Variants in CNBD1 observed in about 807,000 individuals in gnomAD.
The protein encoded by CNBD1 is cyclic nucleotide-binding domain-containing protein 1.
In CNBD1, 71 loss-of-function variants were observed where a neutral mutation model predicts 54.4. The observed-to-expected ratio is 1.30, with a 90% CI of 1.08 to 1.59. CNBD1 has a LOEUF of 1.59. CNBD1 is among the 40% of genes most tolerant of loss of function. The pLI, the probability that CNBD1 is intolerant of heterozygous loss-of-function variation, is 0.00. For synonymous variants in CNBD1, 182 were observed against 170.7 expected (o/e 1.07, Z -0.51); for missense variants, 659 against 518.0 (o/e 1.27, Z -2.64).
intron 4 of CNBD1, among the ~76,000 whole-genome samples, chr8:87,013,426 A>G (rs1169626743): frequency 6.6e-6 from 1 of 152,024 alleles, no homozygotes; most frequent in Non-Finnish European, 1.5e-5. Context: ...TTGAAGTAAT[A>G]TGGTCTTTGT....
chr8:87,412,946 T>C (rs1209404168), intron 2 of CNBD1, among the ~76,000 whole-genome samples: 1 of 152,084 alleles, frequency 6.6e-6, no homozygotes, highest in Non-Finnish European at 1.5e-5. Context: ...GGATGATTTC[T>C]GGTCCTGTCC....
At chr8:87,382,055 C>A (rs1049669892) in intron 10 of CNBD1, among the ~76,000 whole-genome samples, 2 of 151,418 alleles carry the variant, frequency 1.3e-5, no homozygotes, top group African/African-American at 4.8e-5. Flanking sequence ...AGTGACTCAA[C>A]CACAGAGAGC....
chr8:87,280,091 G>A (rs894714542), intron 6 of CNBD1, among the ~76,000 whole-genome samples: 7 of 151,502 alleles, frequency 4.6e-5, no homozygotes, highest in East Asian at 1.9e-4. Context: ...AATGGAATGC[G>A]TTAGGTCCCC....
intron 4 of CNBD1, among the ~76,000 whole-genome samples, chr8:87,031,040 C>A (rs1037040229): frequency 6.7e-6 from 1 of 148,526 alleles, no homozygotes; most frequent in African/African-American, 2.5e-5. Context: ...CTTCACCAAG[C>A]AGATTTCTGA....
rs557208789 is a variant in CNBD1, at chr8:87,028,050, A to C, written c.431+88296A>C. ...TTCCCTGGACACACACACACACACAACACACAACACACAATTACAAGCATG... is the reference window on the plus strand; with the variant it reads ...TTCCCTGGACACACACACACACACACCACACAACACACAATTACAAGCATG... On this transcript the variant is annotated intron_variant, in intron 4 of 10. Coordinates refer to ENST00000518476, the MANE Select transcript of CNBD1 (RefSeq NM_173538.3). 2.4e-3 allele frequency among the ~76,000 whole-genome samples: 368 copies of C among 152,004 alleles called. 4 individuals carry two copies. The highest frequency in any genetic ancestry group is 4.3e-3 in the Non-Finnish European group (292 of 67,930).
intron 4 of CNBD1, among the ~76,000 whole-genome samples, chr8:86,981,331 C>T (rs1219027737): frequency 6.6e-6 from 1 of 152,118 alleles, no homozygotes; most frequent in Non-Finnish European, 1.5e-5. Flanking sequence ...GCTATATTTT[C>T]CCCAAATTTC....
At chr8:87,390,377 A>G (rs1168122406) in intron 2 of CNBD1, among the ~76,000 whole-genome samples, 1 of 152,228 alleles carries the variant, frequency 6.6e-6, no homozygotes. Flanking sequence ...TCCAGAATCT[A>G]CAATGAACTT....
In CNBD1 at chr8:87,318,710, A is replaced by AG. The variant is rs202150135; in HGVS notation, c.1042+32046dup. ...TCTCAGAGGAAGGAAGGAGATGGGG[A>AG]GGGGGGGCATTGGATAATTGCAATA... On this transcript the variant is annotated intron_variant, in intron 8 of 10. Transcript: ENST00000518476. Among the ~76,000 whole-genome samples, 1,464 of 151,980 alleles carry AG rather than the reference A, an allele frequency of 9.6e-3. 19 individuals are homozygous for AG. The highest frequency in any genetic ancestry group is 0.032 in the African/African-American group (1,339 of 41,462).
intron 6 of CNBD1, among the ~76,000 whole-genome samples, chr8:87,248,862 C>T (rs926623957): frequency 1.3e-5 from 2 of 152,062 alleles, no homozygotes; most frequent in Non-Finnish European, 2.9e-5. Flanking sequence ...GTACACAGTG[C>T]AGGAAAGAGG....
intron 4 of CNBD1, among the ~76,000 whole-genome samples, chr8:87,132,783 GCATATATATATGTGTATATATATA>G (rs2130728343): frequency 7.0e-6 from 1 of 143,114 alleles, no homozygotes; most frequent in South Asian, 2.1e-4. Flanking sequence ...CATTCAATTT[GCATATATATATGTGTATATATATA>G]CATATATATA....
At position 86,866,503 on chromosome 8, in the gene CNBD1, T is replaced by C. The variant is rs113899610; in HGVS notation, c.8T>C (p.Met3Thr). 103 of 1,610,870 alleles carry C rather than the reference T, an allele frequency of 6.4e-5. No homozygotes were observed. In the African/African-American group the frequency reaches 9.2e-4, roughly 14 times the overall value. Residue 3 changes from methionine to threonine, a missense_variant, in exon 1 of 11, where the codon ATG (methionine) becomes ACG (threonine). By Grantham distance (81) the Met-to-Thr change is moderately conservative. Transcript: ENST00000518476. ...TGCCTTTGAGCCATCAAGATGCCGATGTCTTCTCTTCCAGCAGCTATTTTG... is the reference window on the plus strand; with the variant it reads ...TGCCTTTGAGCCATCAAGATGCCGACGTCTTCTCTTCCAGCAGCTATTTTG... MP[M>T]SSLPAAILSH...
intron 4 of CNBD1, among the ~76,000 whole-genome samples, chr8:87,161,809 T>C (rs567232817): frequency 7.2e-5 from 11 of 152,262 alleles, no homozygotes; most frequent in Middle Eastern, 3.4e-3. Context: ...AATAATGTCA[T>C]ATTGTTAAAA....
chr8:87,404,124 G>A (rs1807614475), intron 2 of CNBD1, among the ~76,000 whole-genome samples: 2 of 152,134 alleles, frequency 1.3e-5, no homozygotes, highest in South Asian at 2.1e-4. Context: ...GAGAGAAGAA[G>A]GAGACAGCAG....
At chr8:87,351,448 C>T (rs1810290214) in intron 8 of CNBD1, among the ~76,000 whole-genome samples, 2 of 152,124 alleles carry the variant, frequency 1.3e-5, no homozygotes, top group Admixed American at 1.3e-4. Context: ...CATATCAGTG[C>T]CTTTACTGCC....
chr8:86,948,923 G>A lies in CNBD1; in HGVS notation c.431+9169G>A, dbSNP rs192188436. ...TTAAGACTCTAATCCATTTTGATTT[G>A]ATTTTTGTATATGGGGAGAAATAGG... On this transcript the variant is annotated intron_variant, in intron 4 of 10. Coordinates refer to ENST00000518476, the MANE Select transcript of CNBD1 (RefSeq NM_173538.3). 2.6e-5 allele frequency among the ~76,000 whole-genome samples: 4 copies of A among 152,218 alleles called. No homozygotes were observed. The East Asian group carries it at 7.7e-4, about 29-fold the overall frequency.
intron 4 of CNBD1, among the ~76,000 whole-genome samples, chr8:86,988,708 C>G (rs7814159): frequency 0.94 from 143,743 of 152,162 alleles, 67,999 homozygotes; most frequent in African/African-American, 0.99. Flanking sequence ...TCATTATTCT[C>G]TTCTCTACCT....
chr8:87,338,267 G>C (rs1809988896), intron 8 of CNBD1, among the ~76,000 whole-genome samples: 1 of 152,008 alleles, frequency 6.6e-6, no homozygotes, highest in Non-Finnish European at 1.5e-5. Flanking sequence ...TCTATTATCT[G>C]ACAGTCTTCC....
chr8:87,174,819 AG>A (rs1386658921), intron 4 of CNBD1, among the ~76,000 whole-genome samples: 1 of 152,198 alleles, frequency 6.6e-6, no homozygotes, highest in Non-Finnish European at 1.5e-5. Flanking sequence ...TGGTTCTTGC[AG>A]ACTCATAGAG....
At chr8:87,277,665 C>T (rs1181891338) in intron 6 of CNBD1, among the ~76,000 whole-genome samples, 1 of 151,676 alleles carries the variant, frequency 6.6e-6, no homozygotes, top group African/African-American at 2.4e-5. Context: ...AACCAAAACA[C>T]TGTCCTAAAG....
Sources: gnomAD v4.1 joint callset for allele counts (sites outside exome capture counted in the v4.1 genomes callset) on GRCh38, gnomAD v4.1.1 for gene constraint, MANE v1.5 for transcripts, NCBI Gene and HGNC (gene_info 2026-07-23, HGNC 2026-07-21) for gene names.